The following LRP1B variants were observed in gnomAD, a reference collection of about 807,000 sequenced individuals.
LRP1B encodes the protein low-density lipoprotein receptor-related protein 1B.
A neutral mutation model predicts 556.6 loss-of-function variants in LRP1B; 217 were observed. The observed-to-expected ratio is 0.39, with a 90% CI of 0.35 to 0.44. The LOEUF (loss-of-function observed/expected upper bound fraction) is 0.44. Ranked by LOEUF, LRP1B falls within the 20% of genes least tolerant of loss-of-function variation. The pLI is 1.00. For synonymous variants in LRP1B, 2,047 were observed against 1,865.8 expected (o/e 1.10, Z -2.50); for missense variants, 5,053 against 5,620.8 (o/e 0.90, Z 3.23).
At chr2:141,217,009 A>C (rs1682842737) in intron 6 of LRP1B, among the ~76,000 whole-genome samples, 1 of 151,978 alleles carries the variant, frequency 6.6e-6, no homozygotes, top group African/African-American at 2.4e-5. Flanking sequence ...ACTTTGGGGG[A>C]TTGTTGGGAA....
chr2:140,795,799 C>A (rs1242891212), intron 32 of LRP1B, among the ~76,000 whole-genome samples: 1 of 152,010 alleles, frequency 6.6e-6, no homozygotes, highest in Non-Finnish European at 1.5e-5. Flanking sequence ...GGACACAATT[C>A]CAAGATATCC....
Position 140,904,113 on chromosome 2 carries a change from T to C in LRP1B, c.3521-948A>G, listed in dbSNP as rs1362923515. On this transcript the variant is annotated intron_variant, in intron 22 of 90. Transcript: ENST00000389484. ...TCTGTTTACCAGTGTATACCTAACA[T>C]TGAGTAACAAGTTAAAAATATTTGA... Among the ~76,000 whole-genome samples the C allele has an allele frequency of 2.6e-5, 4 of 152,076 alleles. No individual in the cohort carries two copies. In the East Asian group the frequency reaches 7.7e-4, roughly 29 times the overall value.
At chr2:141,293,646 T>C (rs116315537) in intron 3 of LRP1B, among the ~76,000 whole-genome samples, 2,269 of 151,712 alleles carry the variant, frequency 0.015, 56 homozygotes, top group African/African-American at 0.051. Context: ...TTTTCTGTCT[T>C]GGGAATTTTA....
chr2:141,912,763 A>G (rs1699937099), intron 1 of LRP1B, among the ~76,000 whole-genome samples: 1 of 152,202 alleles, frequency 6.6e-6, no homozygotes, highest in Non-Finnish European at 1.5e-5. Flanking sequence ...AGGGATGGAA[A>G]GTTGAGCCCA....
chr2:140,278,299 C>T (rs1031125594), intron 84 of LRP1B, among the ~76,000 whole-genome samples: 7 of 151,946 alleles, frequency 4.6e-5, no homozygotes, highest in Non-Finnish European at 1.0e-4. Flanking sequence ...CTGATGTGTA[C>T]ACCTTGTAAT....
intron 86 of LRP1B, among the ~76,000 whole-genome samples, chr2:140,260,296 T>G (rs1681874279): frequency 6.6e-6 from 1 of 151,878 alleles, no homozygotes; most frequent in South Asian, 2.1e-4. Context: ...GAGTTTTCCC[T>G]TTTCTGACAT....
intron 3 of LRP1B, among the ~76,000 whole-genome samples, chr2:141,264,452 T>G (rs1684812543): frequency 6.6e-6 from 1 of 152,130 alleles, no homozygotes; most frequent in Non-Finnish European, 1.5e-5. Context: ...GGTATTTAGT[T>G]ATTCATTATT....
At chr2:141,879,135 C>A (rs1698870496) in intron 1 of LRP1B, among the ~76,000 whole-genome samples, 1 of 151,650 alleles carries the variant, frequency 6.6e-6, no homozygotes, top group Non-Finnish European at 1.5e-5. Context: ...ATATAGGAAT[C>A]TTTATAGAAA....
intron 7 of LRP1B, among the ~76,000 whole-genome samples, chr2:141,114,821 G>C (rs1360231620): frequency 6.6e-6 from 1 of 151,858 alleles, no homozygotes; most frequent in Non-Finnish European, 1.5e-5. Context: ...TAAGTGTGTG[G>C]GTGCGTCCAT....
intron 20 of LRP1B, among the ~76,000 whole-genome samples, chr2:140,927,877 T>G (rs996864213): frequency 2.0e-5 from 3 of 147,168 alleles, no homozygotes; most frequent in Non-Finnish European, 2.9e-5. Context: ...CGGCTATTCA[T>G]TTATTTTTAT....
At chr2:141,162,918 G>A (rs888406597) in intron 7 of LRP1B, among the ~76,000 whole-genome samples, 3 of 152,040 alleles carry the variant, frequency 2.0e-5, no homozygotes, top group African/African-American at 7.2e-5. Flanking sequence ...CTCACTTTGA[G>A]CAAACTAAAT....
At chr2:141,134,342 A>G (rs1574109600) in intron 7 of LRP1B, among the ~76,000 whole-genome samples, 1 of 151,798 alleles carries the variant, frequency 6.6e-6, no homozygotes, top group East Asian at 1.9e-4. Context: ...TTCCCATCTA[A>G]AAGTCTTTGA....
chr2:140,722,571 GAAACTAGTTCA>G (rs1475804521), intron 35 of LRP1B, among the ~76,000 whole-genome samples: 1 of 152,066 alleles, frequency 6.6e-6, no homozygotes, highest in Non-Finnish European at 1.5e-5. Flanking sequence ...CTTATTTTCA[GAAACTAGTTCA>G]ACATGCTTAT....
At chr2:141,973,726 C>T (rs1186505039) in intron 1 of LRP1B, among the ~76,000 whole-genome samples, 1 of 151,744 alleles carries the variant, frequency 6.6e-6, no homozygotes, top group Non-Finnish European at 1.5e-5. Context: ...GAGAACAATG[C>T]TTTTATAAAG....
chr2:141,247,589 A>G (rs1371879067), intron 4 of LRP1B, among the ~76,000 whole-genome samples: 2 of 152,184 alleles, frequency 1.3e-5, no homozygotes. Context: ...GATTATTTGC[A>G]TTTGTGATAG....
intron 1 of LRP1B, among the ~76,000 whole-genome samples, chr2:141,913,062 A>G (rs781671039): frequency 6.6e-6 from 1 of 152,206 alleles, no homozygotes; most frequent in African/African-American, 2.4e-5. Flanking sequence ...TGAAGAGGGT[A>G]GAGGTAATGT....
chr2:140,924,947 C>T (rs1004658744), intron 20 of LRP1B, among the ~76,000 whole-genome samples: 2 of 151,744 alleles, frequency 1.3e-5, no homozygotes, highest in African/African-American at 4.8e-5. Flanking sequence ...TTCAATGATT[C>T]AAACAAATGT....
intron 32 of LRP1B, among the ~76,000 whole-genome samples, chr2:140,782,282 C>T (rs1330811007): frequency 6.6e-6 from 1 of 152,178 alleles, no homozygotes; most frequent in East Asian, 1.9e-4. Context: ...CCCAGTACTT[C>T]AGACTGAGAC....
intron 34 of LRP1B, among the ~76,000 whole-genome samples, chr2:140,770,530 C>G (rs1449412069): frequency 6.6e-6 from 1 of 151,920 alleles, no homozygotes; most frequent in Non-Finnish European, 1.5e-5. Context: ...GTAAACATTA[C>G]TTAGTTCAAA....
Sources: gnomAD v4.1 joint callset for allele counts (sites outside exome capture counted in the v4.1 genomes callset) on GRCh38, gnomAD v4.1.1 for gene constraint, MANE v1.5 for transcripts, NCBI Gene and HGNC (gene_info 2026-07-23, HGNC 2026-07-21) for gene names.